The following PEX13 variants were observed in gnomAD, a reference collection of about 807,000 sequenced individuals.
PEX13 encodes the protein peroxisome biogenesis factor 13.
Under a neutral mutation model 34.5 loss-of-function variants are expected in PEX13, and 28 were observed. The observed-to-expected ratio is 0.81, with a 90% confidence interval of 0.60 to 1.11. The LOEUF (loss-of-function observed/expected upper bound fraction) is 1.11. Ranked by LOEUF, PEX13 falls within the 50% of genes most tolerant of loss-of-function variation. PEX13 has a pLI of 0.00. For synonymous variants in PEX13, 177 were observed against 175.1 expected, an observed-to-expected ratio of 1.01 and a Z score of -0.09; for missense variants, 550 against 491.0, an observed-to-expected ratio of 1.12 and a Z score of -1.13.
At chr2:61,047,925 C>G (rs1044895509) in intron 3 of PEX13, among the ~76,000 whole-genome samples, 1 of 152,094 alleles carries the variant, frequency 6.6e-6, no homozygotes, top group African/African-American at 2.4e-5. Context: ...CTTTATTTAT[C>G]ATATGGCTAG....
intron 1 of PEX13, among the ~76,000 whole-genome samples, chr2:61,030,696 T>C (rs1328270869): frequency 1.3e-5 from 2 of 152,166 alleles, no homozygotes; most frequent in African/African-American, 4.8e-5. Context: ...TATGTATTGA[T>C]TGGTTGATGA....
chr2:61,020,572 A>G (rs1429181068), intron 1 of PEX13, among the ~76,000 whole-genome samples: 1 of 152,032 alleles, frequency 6.6e-6, no homozygotes, highest in African/African-American at 2.4e-5. Flanking sequence ...TTAAATGTGA[A>G]GTTTGCTTTT....
chr2:61,030,955 A>C (rs1366882650), intron 1 of PEX13, among the ~76,000 whole-genome samples: 1 of 152,164 alleles, frequency 6.6e-6, no homozygotes, highest in Non-Finnish European at 1.5e-5. Flanking sequence ...GGTGATAGTT[A>C]CACACCTCTG....
chr2:61,025,066 T>TTTTG (rs938033623), intron 1 of PEX13, among the ~76,000 whole-genome samples: 4 of 152,024 alleles, frequency 2.6e-5, no homozygotes, highest in Non-Finnish European at 5.9e-5. Context: ...AAGTTTCTTT[T>TTTTG]TTTGTTTGTT....
At chr2:61,028,336 A>C (rs1302319043) in intron 1 of PEX13, among the ~76,000 whole-genome samples, 1 of 152,082 alleles carries the variant, frequency 6.6e-6, no homozygotes, top group African/African-American at 2.4e-5. Flanking sequence ...TAAGAGTACA[A>C]GTTAAACAAC....
At chr2:61,041,940 T>C (rs1680631905) in intron 2 of PEX13, among the ~76,000 whole-genome samples, 1 of 151,964 alleles carries the variant, frequency 6.6e-6, no homozygotes, top group Non-Finnish European at 1.5e-5. Flanking sequence ...GGAGAGGAAA[T>C]CGGTAATGAT....
chr2:61,043,334 A>AAAAAAAAAAAAAAAAAAAAAAAATT, intron 2 of PEX13, among the ~76,000 whole-genome samples: 1 of 106,644 alleles, frequency 9.4e-6, no homozygotes. Context: ...GTCTCTACTA[A>AAAAAAAAAAAAAAAAAAAAAAAATT]AAAAAAAAAA....
chr2:61,018,379 A>G lies in PEX13; in HGVS notation c.92+528A>G. Reference sequence around the variant, plus strand: ...AACTCAGCCAGTGTTTCGGATCGAGATTGGAGAAGCAACTTTAAAGCAGGA... The same window carrying G: ...AACTCAGCCAGTGTTTCGGATCGAGGTTGGAGAAGCAACTTTAAAGCAGGA... On this transcript the variant is annotated intron_variant, in intron 1 of 3. Coordinates refer to ENST00000295030, the MANE Select transcript of PEX13 (RefSeq NM_002618.4). 3 of 1,448,190 alleles carry G rather than the reference A, an allele frequency of 2.1e-6. No homozygotes were observed. The South Asian group carries it at 4.2e-5, about 20-fold the overall frequency. 89.7% of individuals were successfully genotyped at this position (1,448,190 alleles called of 1,614,324 possible).
chr2:61,044,468 C>G (rs1018481087), intron 2 of PEX13, among the ~76,000 whole-genome samples: 1 of 152,192 alleles, frequency 6.6e-6, no homozygotes, highest in Non-Finnish European at 1.5e-5. Flanking sequence ...CCAGGTTGGT[C>G]TTGAACTGCT....
chr2:61,038,985 C>T (rs1410234519), intron 2 of PEX13, among the ~76,000 whole-genome samples: 3 of 152,068 alleles, frequency 2.0e-5, no homozygotes, highest in African/African-American at 7.2e-5. Context: ...GAGTGAACTC[C>T]CATTCACAAT....
chr2:61,039,548 A>C (rs1680588591), intron 2 of PEX13, among the ~76,000 whole-genome samples: 1 of 152,230 alleles, frequency 6.6e-6, no homozygotes, highest in Admixed American at 6.5e-5. Flanking sequence ...ATATGTAGAA[A>C]GCTGAAACTG....
intron 2 of PEX13, among the ~76,000 whole-genome samples, chr2:61,045,503 C>T (rs966066181): frequency 2.6e-5 from 4 of 152,086 alleles, no homozygotes; most frequent in Admixed American, 2.6e-4. Context: ...CCCTGGCTCA[C>T]GGTAAGAGAG....
At chr2:61,035,854 A>G (rs1346948836) in intron 2 of PEX13, among the ~76,000 whole-genome samples, 1 of 152,048 alleles carries the variant, frequency 6.6e-6, no homozygotes, top group East Asian at 1.9e-4. Flanking sequence ...GTGTTGGCAC[A>G]TGCCTGTAAT....
chr2:61,044,404 A>G (rs1680673403), intron 2 of PEX13, among the ~76,000 whole-genome samples: 1 of 152,094 alleles, frequency 6.6e-6, no homozygotes, highest in South Asian at 2.1e-4. Flanking sequence ...GCGTGCCACC[A>G]CATCTGCCTA....
chr2:61,045,819 G>T lies in PEX13; in HGVS notation c.881G>T (p.Arg294Leu). 1 of 1,613,102 alleles carries T rather than the reference G, an allele frequency of 6.2e-7. No individual in the cohort carries two copies. The highest frequency in any genetic ancestry group is 1.1e-5 in the South Asian group (1 of 91,038). Reference sequence around the variant, plus strand: ...GTATCTGAAGAAGAAATTTCTTTCCGGGCTGGTGATATGCTGAACTTAGCT... The same window carrying T: ...GTATCTGAAGAAGAAATTTCTTTCCTGGCTGGTGATATGCTGAACTTAGCT... ...AAVSEEEISF[R>L]AGDMLNLALK... The change falls in exon 3 of 4, where the codon CGG (arginine) becomes CTG (leucine). Residue 294 changes from arginine to leucine, a missense_variant. Coordinates refer to ENST00000295030, the MANE Select transcript of PEX13 (RefSeq NM_002618.4).
intron 1 of PEX13, chr2:61,018,175 T>A: frequency 3.2e-6 from 5 of 1,550,810 alleles, no homozygotes; most frequent in Non-Finnish European, 4.4e-6. Flanking sequence ...GGCTTCTCTA[T>A]CTTTAAAGCG....
intron 1 of PEX13, chr2:61,018,191 T>A: frequency 6.4e-7 from 1 of 1,550,938 alleles, no homozygotes; most frequent in African/African-American, 1.4e-5. Flanking sequence ...AAGCGTAGAC[T>A]TTGGTCTGTA....
chr2:61,021,244 TG>T (rs1016308113), intron 1 of PEX13, among the ~76,000 whole-genome samples: 12 of 152,076 alleles, frequency 7.9e-5, no homozygotes, highest in African/African-American at 2.2e-4. Flanking sequence ...CGCAAGGGAT[TG>T]GGGGATTTCC....
intron 2 of PEX13, among the ~76,000 whole-genome samples, chr2:61,039,228 G>A (rs1680581771): frequency 6.6e-6 from 1 of 152,092 alleles, no homozygotes; most frequent in Non-Finnish European, 1.5e-5. Flanking sequence ...TTTCTTCACA[G>A]AATTGGAAAA....
Sources: gnomAD v4.1 joint callset for allele counts (sites outside exome capture counted in the v4.1 genomes callset) on GRCh38, gnomAD v4.1.1 for gene constraint, MANE v1.5 for transcripts, NCBI Gene and HGNC (gene_info 2026-07-23, HGNC 2026-07-21) for gene names.